Variants in SLC33A1 observed in about 807,000 individuals in gnomAD.
SLC33A1 encodes the protein solute carrier family 33 member 1.
A neutral mutation model predicts 50.0 loss-of-function variants in SLC33A1; 20 were observed. The ratio of observed to expected loss-of-function variants is 0.40; its 90% CI spans 0.28 to 0.58. The LOEUF (loss-of-function observed/expected upper bound fraction) is 0.58. Among genes scored for constraint, SLC33A1 ranks in the 20% least tolerant of loss-of-function variants. The probability of loss-of-function intolerance (pLI) is 0.44; values close to 1 mark genes in which losing one functional copy is unlikely to be tolerated. For synonymous variants in SLC33A1, 265 were observed against 251.8 expected (o/e 1.05, Z -0.50); for missense variants, 476 against 657.0 (o/e 0.72, Z 3.01).
At chr3:155,852,239 C>T (rs1753426629) in intron 1 of SLC33A1, among the ~76,000 whole-genome samples, 1 of 152,068 alleles carries the variant, frequency 6.6e-6, no homozygotes, top group African/African-American at 2.4e-5. Flanking sequence ...GGGAGAATCA[C>T]CTGAGGCCAG....
At position 155,854,056 on chromosome 3, in the gene SLC33A1, T is replaced by G; in HGVS notation, c.-59A>C. On this transcript the variant is annotated 5_prime_UTR_variant, in exon 1 of 6. Coordinates refer to ENST00000643144, the MANE Select transcript of SLC33A1 (RefSeq NM_004733.4). Reference sequence around the variant, plus strand: ...GCCGAGGCTGAGCGTTTTGGATCCGTCCAGTCCCAGGTCCAAGGCTGTCGC... The same window carrying G: ...GCCGAGGCTGAGCGTTTTGGATCCGGCCAGTCCCAGGTCCAAGGCTGTCGC... The G allele has an allele frequency of 1.4e-6, 2 of 1,413,528 alleles. No individual in the cohort carries two copies. Among genetic ancestry groups the G allele is most frequent in the Non-Finnish European group, 1.9e-6 (2 of 1,051,254 alleles). The allele number at this position is 1,413,528 out of a possible 1,614,324, so 87.6% of individuals were successfully genotyped here. A position where few individuals can be genotyped will look rare whatever the true frequency, so the allele number is the denominator to read the frequency against.
At chr3:155,851,136 G>A (rs528454897) in intron 1 of SLC33A1, among the ~76,000 whole-genome samples, 29 of 151,960 alleles carry the variant, frequency 1.9e-4, no homozygotes, top group Admixed American at 1.6e-3. Flanking sequence ...CACTACTCAG[G>A]AGGCTGAGGC....
chr3:155,853,541 G>C lies in SLC33A1; in HGVS notation c.457C>G (p.Leu153Val). Reference protein sequence around the residue: ...WLVPTQYILGLFMIYLSTQVD... With the variant: ...WLVPTQYILGVFMIYLSTQVD... ...TGAGTGGATAAATAGATCATGAAGAGTCCTAGTATATACTGTGTCGGGACA... is the reference window on the plus strand; with the variant it reads ...TGAGTGGATAAATAGATCATGAAGACTCCTAGTATATACTGTGTCGGGACA... The change falls in exon 1 of 6, where the codon CTC becomes GTC. Residue 153 changes from leucine to valine, a missense_variant. Physicochemically the swap from Leu to Val is conservative, Grantham distance 32. Coordinates refer to ENST00000643144, the MANE Select transcript of SLC33A1 (RefSeq NM_004733.4). The C allele has an allele frequency of 1.2e-6, 2 of 1,614,148 alleles. No individual in the cohort carries two copies. The highest frequency in any genetic ancestry group is 1.7e-6 in the Non-Finnish European group (2 of 1,180,012).
At chr3:155,831,478 A>AAAAAAAAAAAAAAAAAAC (rs1752433460) in intron 4 of SLC33A1, among the ~76,000 whole-genome samples, 1 of 143,336 alleles carries the variant, frequency 7.0e-6, no homozygotes, top group African/African-American at 2.9e-5. Flanking sequence ...AAAAAAAAAA[A>AAAAAAAAAAAAAAAAAAC]AAAAAAAAAA....
intron 1 of SLC33A1, among the ~76,000 whole-genome samples, chr3:155,843,790 C>G (rs1753017063): frequency 1.3e-5 from 2 of 152,170 alleles, no homozygotes; most frequent in Admixed American, 6.5e-5. Flanking sequence ...ATTGTGATTT[C>G]ACACCTTATA....
At chr3:155,835,265 AGATAATCTG>A (rs1482063900) in intron 2 of SLC33A1, among the ~76,000 whole-genome samples, 1 of 152,208 alleles carries the variant, frequency 6.6e-6, no homozygotes, top group Non-Finnish European at 1.5e-5. Flanking sequence ...GTTAATAATT[AGATAATCTG>A]GATAAAGGAT....
chr3:155,836,306 A>AAAAAAG (rs1752668102), intron 2 of SLC33A1, among the ~76,000 whole-genome samples: 1 of 143,386 alleles, frequency 7.0e-6, no homozygotes, highest in Non-Finnish European at 1.5e-5. Context: ...AAAAAAAAAA[A>AAAAAAG]AAAAAAAGGA....
At chr3:155,828,503 A>G in intron 5 of SLC33A1, 126 bp from the exon 6 acceptor site, 7 of 673,228 alleles carry the variant, frequency 1.0e-5, no homozygotes, top group Middle Eastern at 7.7e-4. Context: ...ATTTCACTGA[A>G]TTCCAATGAC....
chr3:155,833,375 TTTA>T (rs1752523919), intron 4 of SLC33A1, 90 bp downstream of exon 4: 1 of 786,992 alleles, frequency 1.3e-6, no homozygotes, highest in African/African-American at 1.7e-5. Flanking sequence ...ATGCTTAAAA[TTTA>T]TTATCATTAT....
chr3:155,831,457 C>CAAAAAAAAAAAA lies in SLC33A1; in HGVS notation c.1267-1566_1267-1555dup, dbSNP rs397991448. Among the ~76,000 whole-genome samples the CAAAAAAAAAAAA allele has an allele frequency of 1.2e-3, 58 of 46,710 alleles. 5 individuals carry two copies. Among genetic ancestry groups the CAAAAAAAAAAAA allele is most frequent in the African/African-American group, 3.3e-3 (56 of 17,210 alleles). The allele number at this position is 46,710 out of a possible 152,430, so 30.6% of individuals were successfully genotyped here. Reference sequence around the variant, plus strand: ...TGGGCAACAGAGTGAGACTCTGTCTCAAAAAAAAAAAAAAAAAAAAAAAAA... The same window carrying CAAAAAAAAAAAA: ...TGGGCAACAGAGTGAGACTCTGTCTCAAAAAAAAAAAAAAAAAAAAAAAAAAAAAAAAAAAAA... On this transcript the variant is annotated intron_variant, in intron 4 of 5. Coordinates refer to ENST00000643144, the MANE Select transcript of SLC33A1 (RefSeq NM_004733.4).
chr3:155,840,756 G>T (rs1349971504), intron 2 of SLC33A1, among the ~76,000 whole-genome samples: 1 of 152,134 alleles, frequency 6.6e-6, no homozygotes, highest in African/African-American at 2.4e-5. Context: ...GGAGGTTGCA[G>T]TAAGCCGAGA....
rs556286883 is a variant in SLC33A1 at position 155,854,092 on chromosome 3, G to C, written c.-95C>G. On this transcript the variant is annotated 5_prime_UTR_variant, in exon 1 of 6. Coordinates refer to ENST00000643144, the MANE Select transcript of SLC33A1 (RefSeq NM_004733.4). ...GTCCAAGGCTGTCGCGCTGGACCAG[G>C]GTTTCGGTGGTTCACGGGATGGTGG... 1.0e-6 allele frequency: 1 copy of C among 1,000,346 alleles called. No homozygotes were observed. Among genetic ancestry groups the C allele is most frequent in the South Asian group, 1.9e-5 (1 of 52,194 alleles). 62.0% of individuals were successfully genotyped at this position (1,000,346 alleles called of 1,614,324 possible).
rs961007402 is a variant in SLC33A1, at chr3:155,821,428, T to C, written c.*6782A>G. 1 of 152,174 alleles carries C rather than the reference T, an allele frequency of 6.6e-6. No homozygotes were observed. Among genetic ancestry groups the C allele is most frequent in the African/African-American group, 2.4e-5 (1 of 41,442 alleles). 9.4% of individuals were successfully genotyped at this position (152,174 alleles called of 1,614,324 possible). On this transcript the variant is annotated 3_prime_UTR_variant, in exon 6 of 6. Transcript: ENST00000643144. The stretch of plus-strand genomic sequence containing the variant: ...AACAATAGATATAGACTCACCAATA[T>C]AATTTGACAGTGGTAATTTATCAAT...
At position 155,842,717 on chromosome 3, in the gene SLC33A1, T is replaced by C. The variant is rs531087087; in HGVS notation, c.776-98A>G. 230 of 754,764 alleles carry C rather than the reference T, an allele frequency of 3.0e-4. 1 individual carries two copies. The highest frequency in any genetic ancestry group is 2.4e-3 in the South Asian group (118 of 48,408). The allele number at this position is 754,764 out of a possible 1,614,324, so 46.8% of individuals were successfully genotyped here. A position where few individuals can be genotyped will look rare whatever the true frequency, so the allele number is the denominator to read the frequency against. ...CAATAACTTTCAATTAAAATGTTATTTAAAAAATTAGCCAAGTACAGGTGC... is the reference window on the plus strand; with the variant it reads ...CAATAACTTTCAATTAAAATGTTATCTAAAAAATTAGCCAAGTACAGGTGC... On this transcript the variant is annotated intron_variant, in intron 1 of 5. Transcript: ENST00000643144.
At position 155,853,938 on chromosome 3, in the gene SLC33A1, ACTGAAATTC is replaced by A. The variant is rs1172246297; in HGVS notation, c.51_59del (p.Asn18_Ser20del). On this transcript the variant is annotated inframe_deletion, in exon 1 of 6. Transcript: ENST00000643144. Reference sequence around the variant, plus strand: ...GACCGCTCTTCATATCCAGAGAGTGACTGAAATTCCCTGGCCGCCGTTGCCGGCTGCTGT... The same window carrying A: ...GACCGCTCTTCATATCCAGAGAGTGACCTGGCCGCCGTTGCCGGCTGCTGT... The A allele has an allele frequency of 1.3e-6, 2 of 1,537,766 alleles. No individual in the cohort carries two copies. Among genetic ancestry groups the A allele is most frequent in the East Asian group, 4.5e-5 (2 of 44,376 alleles).
At chr3:155,844,391 A>G (rs1427993925) in intron 1 of SLC33A1, among the ~76,000 whole-genome samples, 2 of 140,242 alleles carry the variant, frequency 1.4e-5, no homozygotes, top group African/African-American at 5.2e-5. Flanking sequence ...TGAGTCTTAC[A>G]TTCTTTTCAT....
At position 155,833,535 on chromosome 3, in the gene SLC33A1, A is replaced by T; in HGVS notation, c.1199T>A (p.Val400Glu). ...TATAGGGAATCCCCCTTGATGTTCT[A>T]CTTTAGGAGTCCACCAAACCAGTAG... is the stretch of plus-strand genomic sequence containing the variant. ...YALLVWWTPK[V>E]EHQGGFPIYY... is the part of the protein sequence containing the mutation. The change falls in exon 4 of 6, where the codon GTA becomes GAA. Residue 400 changes from valine to glutamate, a missense_variant. Coordinates refer to ENST00000643144, the MANE Select transcript of SLC33A1 (RefSeq NM_004733.4). 1 of 1,605,002 alleles carries T rather than the reference A, an allele frequency of 6.2e-7. No homozygotes were observed. Among genetic ancestry groups the T allele is most frequent in the Non-Finnish European group, 8.5e-7 (1 of 1,171,888 alleles).
chr3:155,829,645 C>T, intron 5 of SLC33A1, 43 bp downstream of exon 5: 1 of 1,319,986 alleles, frequency 7.6e-7, no homozygotes, highest in East Asian at 2.3e-5. Flanking sequence ...ATATTAATAT[C>T]TTAGTATTAG....
In SLC33A1 at chr3:155,854,159, A is replaced by T; in HGVS notation, c.-162T>A. 1.9e-6 allele frequency: 1 copy of T among 535,150 alleles called. No individual in the cohort carries two copies. The allele number at this position is 535,150 out of a possible 1,614,324, so 33.2% of individuals were successfully genotyped here. A position where few individuals can be genotyped will look rare whatever the true frequency, so the allele number is the denominator to read the frequency against. Reference sequence around the variant, plus strand: ...AAGGGCACTTCTTACTGCAGCCCGGAGTGCTGAAGCCGGGAGCCAGTCCTC... The same window carrying T: ...AAGGGCACTTCTTACTGCAGCCCGGTGTGCTGAAGCCGGGAGCCAGTCCTC... On this transcript the variant is annotated 5_prime_UTR_variant, in exon 1 of 6. Coordinates refer to ENST00000643144, the MANE Select transcript of SLC33A1 (RefSeq NM_004733.4).
Sources: allele counts gnomAD v4.1 joint callset (sites outside exome capture counted in the v4.1 genomes callset), GRCh38; gene constraint gnomAD v4.1.1; transcripts MANE v1.5; gene names NCBI Gene and HGNC (gene_info 2026-07-23, HGNC 2026-07-21).